Variants in CUL2 observed in about 807,000 individuals in gnomAD.
The protein encoded by CUL2 is cullin-2.
CUL2 carries 22 observed loss-of-function variants against 110.2 expected under a neutral mutation model. That is an observed-to-expected ratio of 0.20 (90% CI 0.14 to 0.28). CUL2 has a LOEUF of 0.28. Ranked by LOEUF, CUL2 falls within the 10% of genes least tolerant of loss-of-function variation. The probability of loss-of-function intolerance (pLI) is 1.00; values close to 1 mark genes in which losing one functional copy is unlikely to be tolerated. For missense variants in CUL2, 631 were observed against 905.5 expected (o/e 0.70, Z 3.89); for synonymous variants, 279 against 293.2 (o/e 0.95, Z 0.49).
intron 11 of CUL2, among the ~76,000 whole-genome samples, chr10:35,032,900 T>C (rs1222158429): frequency 6.6e-6 from 1 of 152,166 alleles, no homozygotes; most frequent in East Asian, 1.9e-4. Flanking sequence ...TACTAAAAAT[T>C]GCAAAATTAT....
At chr10:35,104,693 A>T (rs920502224) in intron 1 of CUL2, among the ~76,000 whole-genome samples, 9 of 151,982 alleles carry the variant, frequency 5.9e-5, no homozygotes, top group South Asian at 2.1e-4. Context: ...TCCAATATAT[A>T]TTTTTTTAAC....
At chr10:35,103,026 G>A (rs909379342) in intron 1 of CUL2, among the ~76,000 whole-genome samples, 1 of 152,124 alleles carries the variant, frequency 6.6e-6, no homozygotes, top group African/African-American at 2.4e-5. Context: ...TTAGTATGAA[G>A]AGCTCTCTAA....
At chr10:35,045,383 T>C (rs2085908731) in intron 6 of CUL2, among the ~76,000 whole-genome samples, 1 of 151,200 alleles carries the variant, frequency 6.6e-6, no homozygotes, top group Non-Finnish European at 1.5e-5. Flanking sequence ...AGTGCTGAAT[T>C]TGTGAGCTGC....
chr10:35,025,241 T>C (rs529119781), intron 16 of CUL2, 43 bp from the exon 17 acceptor site: 46 of 1,533,936 alleles, frequency 3.0e-5, no homozygotes, highest in Non-Finnish European at 3.9e-5. Context: ...TTAGCTACTA[T>C]AACTTGCCTA....
At chr10:35,102,791 G>A (rs528955532) in intron 1 of CUL2, among the ~76,000 whole-genome samples, 2 of 151,452 alleles carry the variant, frequency 1.3e-5, no homozygotes, top group African/African-American at 4.8e-5. Context: ...GCTGAGGCAG[G>A]AGAATCGCTT....
At chr10:35,026,268 T>C (rs1385554468) in intron 16 of CUL2, among the ~76,000 whole-genome samples, 2 of 152,242 alleles carry the variant, frequency 1.3e-5, no homozygotes, top group Non-Finnish European at 2.9e-5. Flanking sequence ...TGCTTAGTTC[T>C]AATCCAGACA....
chr10:35,065,428 G>A (rs949482385), intron 2 of CUL2, among the ~76,000 whole-genome samples: 3 of 152,070 alleles, frequency 2.0e-5, no homozygotes, highest in Non-Finnish European at 2.9e-5. Flanking sequence ...AGACCATCCT[G>A]GCTAACATGG....
intron 1 of CUL2, among the ~76,000 whole-genome samples, chr10:35,126,337 T>C (rs1252236115): frequency 6.6e-6 from 1 of 152,212 alleles, no homozygotes; most frequent in Non-Finnish European, 1.5e-5. Context: ...AGCTCAAGCT[T>C]CTTTTGGAGA....
chr10:35,102,124 C>T (rs2135109424), intron 1 of CUL2, among the ~76,000 whole-genome samples: 1 of 152,098 alleles, frequency 6.6e-6, no homozygotes, highest in South Asian at 2.1e-4. Context: ...CCTGTAATCC[C>T]AGCTACTTGA....
chr10:35,117,772 T>A (rs1438194252), intron 1 of CUL2, among the ~76,000 whole-genome samples: 2 of 152,222 alleles, frequency 1.3e-5, no homozygotes, highest in Admixed American at 1.3e-4. Flanking sequence ...CATGAAAGAA[T>A]AAAAGTGTTA....
intron 9 of CUL2, among the ~76,000 whole-genome samples, chr10:35,038,598 C>T (rs1027953121): frequency 4.1e-4 from 57 of 140,178 alleles, no homozygotes; most frequent in Admixed American, 9.3e-4. Flanking sequence ...ACATTTATTA[C>T]ATAATATTTG....
intron 1 of CUL2, among the ~76,000 whole-genome samples, chr10:35,072,999 T>C (rs999600308): frequency 1.1e-4 from 16 of 151,820 alleles, no homozygotes; most frequent in African/African-American, 3.9e-4. Context: ...AGGGAGCGGG[T>C]AGGATGGCGG....
intron 9 of CUL2, among the ~76,000 whole-genome samples, chr10:35,037,326 G>A (rs376285545): frequency 5.9e-5 from 9 of 152,326 alleles, no homozygotes; most frequent in Middle Eastern, 3.4e-3. Flanking sequence ...CTTACATCAA[G>A]TGGCCACATA....
chr10:35,086,019 T>C (rs2087055935), intron 1 of CUL2, among the ~76,000 whole-genome samples: 1 of 151,638 alleles, frequency 6.6e-6, no homozygotes. Flanking sequence ...TTGAAAAAGA[T>C]AAAAATAAAG....
intron 1 of CUL2, among the ~76,000 whole-genome samples, chr10:35,104,545 G>A (rs1355776087): frequency 6.6e-6 from 1 of 152,056 alleles, no homozygotes; most frequent in Non-Finnish European, 1.5e-5. Flanking sequence ...TAGGGAAGGA[G>A]GTGGAATTGC....
rs1445792754 is a variant in CUL2, at chr10:35,035,173, T to C, written c.1001A>G (p.Asn334Ser). 1 of 1,614,108 alleles carries C rather than the reference T, an allele frequency of 6.2e-7. No individual in the cohort carries two copies. The highest frequency in any genetic ancestry group is 1.7e-5 in the Admixed American group (1 of 60,020). The change falls in exon 10 of 21, where the codon AAC (asparagine) becomes AGC (serine). Residue 334 changes from asparagine to serine, a missense_variant and splice_region_variant. Physicochemically the swap from Asn to Ser is conservative, Grantham distance 46 (BLOSUM62 1). Coordinates refer to ENST00000374749, the MANE Select transcript of CUL2 (RefSeq NM_003591.4). The stretch of plus-strand genomic sequence containing the variant: ...ATTGCAGTTTCCCACACAACTCACG[T>C]TTTCCTGAGTAAGGTTGCTGGTTGC... ...LRATSNLTQE[N>S]MPTLFVESVL...
intron 17 of CUL2, among the ~76,000 whole-genome samples, chr10:35,021,487 A>G (rs2085183277): frequency 6.6e-6 from 1 of 151,406 alleles, no homozygotes; most frequent in African/African-American, 2.4e-5. Flanking sequence ...GTAGTGATAA[A>G]ACTATATAGA....
At chr10:35,089,791 G>A (rs2087157702) in intron 1 of CUL2, 1 of 150,818 alleles carries the variant, frequency 6.6e-6, no homozygotes. Context: ...AAAACACTCG[G>A]GGTAAGGATG....
chr10:35,070,364 A>G (rs184950447), intron 2 of CUL2, among the ~76,000 whole-genome samples: 1 of 152,316 alleles, frequency 6.6e-6, no homozygotes, highest in African/African-American at 2.4e-5. Context: ...TTGCATCCAC[A>G]TTCAGCTTAA....
Sources: gnomAD v4.1 joint callset for allele counts (sites outside exome capture counted in the v4.1 genomes callset) on GRCh38, gnomAD v4.1.1 for gene constraint, MANE v1.5 for transcripts, NCBI Gene and HGNC (gene_info 2026-07-23, HGNC 2026-07-21) for gene names.